The following CCDC57 variants were observed in gnomAD, a reference collection of about 807,000 sequenced individuals.
The protein encoded by CCDC57 is coiled-coil domain-containing protein 57.
CCDC57 carries 118 observed loss-of-function variants against 118.9 expected under a neutral mutation model. The observed-to-expected ratio is 0.99, with a 90% CI of 0.86 to 1.16. The LOEUF is 1.16. Ranked by LOEUF, CCDC57 falls within the 50% of genes most tolerant of loss-of-function variation. The pLI, the probability that CCDC57 is intolerant of heterozygous loss-of-function variation, is 0.00. For synonymous variants in CCDC57, 527 were observed against 532.9 expected (o/e 0.99, Z 0.15); for missense variants, 1,300 against 1,320.7 (o/e 0.98, Z 0.24).
At chr17:82,139,924 C>T (rs766066234) in intron 16 of CCDC57, among the ~76,000 whole-genome samples, 1 of 152,168 alleles carries the variant, frequency 6.6e-6, no homozygotes, top group Non-Finnish European at 1.5e-5. Context: ...TGGAGGATGA[C>T]AGCTTTTGTT....
chr17:82,173,780 C>T (rs892569298), intron 11 of CCDC57, among the ~76,000 whole-genome samples: 4 of 152,038 alleles, frequency 2.6e-5, no homozygotes, highest in African/African-American at 9.7e-5. Context: ...TGACAGACCC[C>T]GCAAGGAGCC....
At position 82,192,594 on chromosome 17, in the gene CCDC57, G is replaced by C. The variant is rs1388318621; in HGVS notation, c.851+1162C>G. ...GCCACACGGTGCAGCTAAGCAAGCA[G>C]TCCTGCACCACTGCCATCTGCACTG... On this transcript the variant is annotated intron_variant, in intron 7 of 19. Coordinates refer to ENST00000665763, the Ensembl canonical transcript of CCDC57. This position sits in a 1 kb window ranked among gnomAD's most constrained non-coding sequence, Gnocchi z 4.0. Among the ~76,000 whole-genome samples the C allele has an allele frequency of 6.6e-6, 1 of 152,222 alleles. No individual in the cohort carries two copies. The highest frequency in any genetic ancestry group is 1.5e-5 in the Non-Finnish European group (1 of 68,034).
At chr17:82,105,978 G>A (rs922530683) in intron 19 of CCDC57, among the ~76,000 whole-genome samples, 2 of 152,230 alleles carry the variant, frequency 1.3e-5, no homozygotes, top group African/African-American at 4.8e-5. Flanking sequence ...CAGAGGAGAG[G>A]TGGGCCCTCG....
intron 16 of CCDC57, among the ~76,000 whole-genome samples, chr17:82,137,997 G>A (rs2145496483): frequency 6.6e-6 from 1 of 151,714 alleles, no homozygotes; most frequent in East Asian, 1.9e-4. Flanking sequence ...TATTTAAAAT[G>A]ATCTATGAGA....
chr17:82,139,426 G>A (rs112644727), intron 16 of CCDC57, among the ~76,000 whole-genome samples: 3 of 152,146 alleles, frequency 2.0e-5, no homozygotes, highest in Admixed American at 6.6e-5. Flanking sequence ...TGGGATCTCG[G>A]CTCACTGCAA....
exon 15 of CCDC57, chr17:82,157,887 T>C: frequency 3.2e-6 from 5 of 1,575,074 alleles, no homozygotes; most frequent in Non-Finnish European, 4.3e-6. Flanking sequence ...CAGGTGTACC[T>C]GGTCCACCTC....
chr17:82,209,856 G>A (rs114139177), intron 1 of CCDC57, among the ~76,000 whole-genome samples: 3 of 152,132 alleles, frequency 2.0e-5, no homozygotes, highest in South Asian at 4.1e-4. Context: ...ATAGAAACAC[G>A]TTTCCTACTC....
At chr17:82,166,645 T>C (rs2044022157) in intron 13 of CCDC57, among the ~76,000 whole-genome samples, 1 of 152,064 alleles carries the variant, frequency 6.6e-6, no homozygotes, top group Admixed American at 6.6e-5. Flanking sequence ...TGATGGCTCA[T>C]GCCTGTAATC....
chr17:82,204,114 C>T (rs4789668), intron 2 of CCDC57, among the ~76,000 whole-genome samples: 69,560 of 151,812 alleles, frequency 0.46, 16,765 homozygotes, highest in East Asian at 0.88. Flanking sequence ...GCTTCTCTGA[C>T]GAGGCTCTGG....
chr17:82,189,745 C>T (rs971448854), intron 7 of CCDC57, among the ~76,000 whole-genome samples: 3 of 151,870 alleles, frequency 2.0e-5, no homozygotes, highest in Non-Finnish European at 2.9e-5. Context: ...CCCAGCTACT[C>T]GGGAGGCTGA....
intron 19 of CCDC57, among the ~76,000 whole-genome samples, chr17:82,124,756 A>G (rs1237031125): frequency 6.6e-6 from 1 of 151,948 alleles, no homozygotes; most frequent in Admixed American, 6.6e-5. Flanking sequence ...AGATTGCCGC[A>G]CTGCACTCCA....
At chr17:82,206,105 C>T (rs2049599536) in intron 2 of CCDC57, among the ~76,000 whole-genome samples, 1 of 152,338 alleles carries the variant, frequency 6.6e-6, no homozygotes, top group Admixed American at 6.5e-5. Context: ...GCAGGAGAAG[C>T]CGCCGGGGAG....
At chr17:82,120,184 T>G (rs2036487204) in intron 19 of CCDC57, among the ~76,000 whole-genome samples, 1 of 151,910 alleles carries the variant, frequency 6.6e-6, no homozygotes. Flanking sequence ...ATTTTTTTTT[T>G]GCAGAGATGT....
chr17:82,139,296 A>C (rs988463163), intron 16 of CCDC57, among the ~76,000 whole-genome samples: 15 of 152,192 alleles, frequency 9.9e-5, no homozygotes, highest in Admixed American at 3.3e-4. Context: ...CACTTTGAAA[A>C]GTGGCAGTGG....
At chr17:82,209,595 A>G (rs979401357) in intron 1 of CCDC57, among the ~76,000 whole-genome samples, 12 of 146,420 alleles carry the variant, frequency 8.2e-5, no homozygotes, top group African/African-American at 3.0e-4. Context: ...TGGTCCTCCT[A>G]CCTCAGCCTC....
Position 82,177,625 on chromosome 17 carries a change from G to C in CCDC57, c.1506+849C>G, listed in dbSNP as rs559988060. On this transcript the variant is annotated intron_variant, in intron 11 of 19. Coordinates refer to ENST00000665763, the Ensembl canonical transcript of CCDC57. ...ATTCTTCATACCACTTAGGATCTGA[G>C]TCCTAAGTACACTCGGCTGCCTTAA... 9.9e-5 allele frequency among the ~76,000 whole-genome samples: 15 copies of C among 152,282 alleles called. No homozygotes were observed. In the South Asian group the frequency reaches 1.2e-3, roughly 13 times the overall value.
intron 17 of CCDC57, among the ~76,000 whole-genome samples, chr17:82,130,151 T>G (rs961971563): frequency 6.6e-6 from 1 of 151,270 alleles, no homozygotes; most frequent in East Asian, 2.0e-4. Flanking sequence ...CAGTGAGCTG[T>G]GATGTCATCA....
At chr17:82,101,724 GCAGCCT>G (rs1248179052) in exon 20 of CCDC57, 1 of 1,607,340 alleles carries the variant, frequency 6.2e-7, no homozygotes, top group African/African-American at 1.3e-5. Context: ...GGGGCCTCTG[GCAGCCT>G]TTAGCTTTTG....
rs780910680 is a variant in CCDC57, at chr17:82,128,477, G to A, written c.2682+16C>T. 11 of 1,532,276 alleles carry A rather than the reference G, an allele frequency of 7.2e-6. No homozygotes were observed. In the East Asian group the frequency reaches 2.2e-4, roughly 31 times the overall value. The allele number at this position is 1,532,276 out of a possible 1,614,324, so 94.9% of individuals were successfully genotyped here. ...ACCCCACACAGCTGCACTTGCTCGG[G>A]CGCCGCCACTCTCACCTTCGGGCCT... On this transcript the variant is annotated intron_variant, in intron 18 of 19. Transcript: ENST00000665763.
Sources: gnomAD v4.1 joint callset for allele counts (sites outside exome capture counted in the v4.1 genomes callset) on GRCh38, gnomAD v4.1.1 for gene constraint, Gnocchi (gnomAD v3.1) non-coding constraint, MANE v1.5 for transcripts, NCBI Gene and HGNC (gene_info 2026-07-23, HGNC 2026-07-21) for gene names.